Variants in FHOD3 observed in about 807,000 individuals in gnomAD.
The protein encoded by FHOD3 is formin homology 2 domain containing 3.
Under a neutral mutation model 173.0 loss-of-function variants are expected in FHOD3, and 90 were observed. The observed-to-expected ratio is 0.52, with a 90% CI of 0.44 to 0.62. The LOEUF (loss-of-function observed/expected upper bound fraction) is 0.62. Ranked by LOEUF, FHOD3 falls within the 20% of genes least tolerant of loss-of-function variation. The pLI is 0.00. For missense variants in FHOD3, 1,945 were observed against 2,034.7 expected, an observed-to-expected ratio of 0.96 and a Z score of 0.85; for synonymous variants, 828 against 823.0, an observed-to-expected ratio of 1.01 and a Z score of -0.10.
At chr18:36,633,360 A>C (rs1483683613) in intron 10 of FHOD3, among the ~76,000 whole-genome samples, 1 of 152,212 alleles carries the variant, frequency 6.6e-6, no homozygotes, top group African/African-American at 2.4e-5. Flanking sequence ...ACAGTTTAAC[A>C]ACTGCCAGGC....
chr18:36,482,670 T>A (rs2053966332), intron 3 of FHOD3, among the ~76,000 whole-genome samples: 1 of 152,152 alleles, frequency 6.6e-6, no homozygotes, highest in Non-Finnish European at 1.5e-5. Context: ...TTTTGGTTTG[T>A]CCTGTCTTAT....
At chr18:36,365,770 A>G (rs1345865756) in intron 2 of FHOD3, among the ~76,000 whole-genome samples, 1 of 152,066 alleles carries the variant, frequency 6.6e-6, no homozygotes, top group East Asian at 1.9e-4. Context: ...GTGTGGGGAG[A>G]AATTCCAGCT....
At chr18:36,564,198 GT>G (rs1044762371) in intron 5 of FHOD3, among the ~76,000 whole-genome samples, 8 of 152,164 alleles carry the variant, frequency 5.3e-5, no homozygotes, top group Admixed American at 4.6e-4. Flanking sequence ...GCTGTGACCT[GT>G]TTTGGAGAGG....
chr18:36,435,195 A>G lies in FHOD3; in HGVS notation c.337+62451A>G, dbSNP rs368283605. ...AATGGTGAAAATGGAAGTCATTTCA[A>G]GAGCAAAATATTTTATATTAGTTAT... is the stretch of plus-strand genomic sequence containing the variant. On this transcript the variant is annotated intron_variant, in intron 3 of 28. Transcript: ENST00000590592. Among the ~76,000 whole-genome samples the G allele has an allele frequency of 6.6e-5, 10 of 152,030 alleles. 1 individual carries two copies. The highest frequency in any genetic ancestry group is 3.3e-4 in the Admixed American group (5 of 15,276).
Position 36,718,296 on chromosome 18 carries a change from C to A in FHOD3, c.2998C>A (p.Leu1000Met). The A allele has an allele frequency of 6.2e-7, 1 of 1,614,152 alleles. No individual in the cohort carries two copies. Among genetic ancestry groups the A allele is most frequent in the South Asian group, 1.1e-5 (1 of 91,070 alleles). ...AATCCAAGACATGGATTTCACTGAC[C>A]TGGGGGAGGAGGATGACATTGATGT... The part of the protein sequence containing the change: ...LRIQDMDFTD[L>M]GEEDDIDVLD... Residue 1000 changes from leucine (L) to methionine (M), a missense_variant, in exon 19 of 29, where the codon CTG becomes ATG. Around this residue, in one of 5 missense-constraint regions of FHOD3, gnomAD observed 1,099 missense variants for 1,051.2 expected, o/e 1.05. Coordinates refer to ENST00000590592, the MANE Select transcript of FHOD3 (RefSeq NM_001281740.3).
chr18:36,457,249 G>A (rs985284271), intron 3 of FHOD3, among the ~76,000 whole-genome samples: 3 of 152,102 alleles, frequency 2.0e-5, no homozygotes, highest in African/African-American at 7.3e-5. Flanking sequence ...TGCCAGTGAG[G>A]AGTGACTTAA....
intron 5 of FHOD3, among the ~76,000 whole-genome samples, chr18:36,571,487 A>G (rs1041338213): frequency 6.6e-6 from 1 of 152,228 alleles, no homozygotes; most frequent in African/African-American, 2.4e-5. Flanking sequence ...TTCCAGAAAG[A>G]TTTTGTTGTT....
Position 36,680,900 on chromosome 18 carries a change from G to T in FHOD3, c.1836-536G>T, listed in dbSNP as rs373539939. Among the ~76,000 whole-genome samples the T allele has an allele frequency of 5.9e-5, 9 of 152,288 alleles. No individual in the cohort carries two copies. In the South Asian group the frequency reaches 1.9e-3, roughly 32 times the overall value. ...AAATATTTTTAGTGCATGTATAATA[G>T]AAAATAGTTTTATAAAATCACTTTT... On this transcript the variant is annotated intron_variant, in intron 14 of 28. Coordinates refer to ENST00000590592, the MANE Select transcript of FHOD3 (RefSeq NM_001281740.3).
intron 5 of FHOD3, among the ~76,000 whole-genome samples, chr18:36,536,043 T>A (rs1375389498): frequency 6.6e-6 from 1 of 152,202 alleles, no homozygotes; most frequent in Non-Finnish European, 1.5e-5. Flanking sequence ...TGGGAGAAAA[T>A]AACATTTCAC....
intron 5 of FHOD3, among the ~76,000 whole-genome samples, chr18:36,559,765 T>C (rs2048374819): frequency 1.3e-5 from 2 of 152,144 alleles, no homozygotes; most frequent in African/African-American, 2.4e-5. Flanking sequence ...CCTGTGCAAG[T>C]TGTATAAAAA....
chr18:36,346,672 T>G (rs2045892464), intron 1 of FHOD3, among the ~76,000 whole-genome samples: 2 of 152,162 alleles, frequency 1.3e-5, no homozygotes, highest in African/African-American at 2.4e-5. Flanking sequence ...CAAGCCACAT[T>G]GAAATTGTCC....
intron 5 of FHOD3, among the ~76,000 whole-genome samples, chr18:36,545,382 C>T (rs2057373827): frequency 6.6e-6 from 1 of 152,174 alleles, no homozygotes; most frequent in Non-Finnish European, 1.5e-5. Flanking sequence ...GGTGGGCAGA[C>T]ACTATTTATA....
intron 5 of FHOD3, among the ~76,000 whole-genome samples, chr18:36,534,481 T>A (rs1444672112): frequency 6.6e-6 from 1 of 151,646 alleles, no homozygotes; most frequent in East Asian, 1.9e-4. Flanking sequence ...TATTTATTTA[T>A]TTTTTATTAT....
At position 36,652,557 on chromosome 18, in the gene FHOD3, G is replaced by C; in HGVS notation, c.1287-13G>C. On this transcript the variant is annotated splice_polypyrimidine_tract_variant and intron_variant, in intron 11 of 28. Coordinates refer to ENST00000590592, the MANE Select transcript of FHOD3 (RefSeq NM_001281740.3). ...TTTTTTCTTCTTCCTCCTCCTCCCT[G>C]CTGGCCCAACAGCAAGGTCGGCGCT... The C allele has an allele frequency of 6.6e-7, 1 of 1,519,912 alleles. No homozygotes were observed. The highest frequency in any genetic ancestry group is 8.8e-7 in the Non-Finnish European group (1 of 1,136,464). 94.2% of individuals were successfully genotyped at this position (1,519,912 alleles called of 1,614,324 possible).
chr18:36,703,805 G>T (rs948383735), intron 17 of FHOD3, among the ~76,000 whole-genome samples: 1 of 152,180 alleles, frequency 6.6e-6, no homozygotes, highest in Non-Finnish European at 1.5e-5. Context: ...CGACCTGCAT[G>T]AGGAAAGCAT....
chr18:36,552,054 G>A (rs1468918943), intron 5 of FHOD3, among the ~76,000 whole-genome samples: 1 of 152,166 alleles, frequency 6.6e-6, no homozygotes, highest in Non-Finnish European at 1.5e-5. Flanking sequence ...GTAGCTTGTT[G>A]GGGATGGCAT....
intron 5 of FHOD3, among the ~76,000 whole-genome samples, chr18:36,518,114 C>T (rs921227726): frequency 6.6e-6 from 1 of 152,140 alleles, no homozygotes; most frequent in Non-Finnish European, 1.5e-5. Flanking sequence ...TTATAAAATG[C>T]CAAAAAGAGC....
intron 18 of FHOD3, chr18:36,710,393 A>G (rs2040107816): frequency 6.6e-6 from 1 of 152,246 alleles, no homozygotes; most frequent in Non-Finnish European, 1.5e-5. Context: ...TGACACCTCT[A>G]CAAAGGCCTG....
chr18:36,604,434 C>T (rs1169040002), intron 8 of FHOD3, among the ~76,000 whole-genome samples: 1 of 152,180 alleles, frequency 6.6e-6, no homozygotes, highest in East Asian at 1.9e-4. Flanking sequence ...TAGTGTGGCC[C>T]CTTCCTCAGC....
Sources: allele counts gnomAD v4.1 joint callset (sites outside exome capture counted in the v4.1 genomes callset), GRCh38; gene constraint gnomAD v4.1.1; regional missense constraint gnomAD v4.1.1; transcripts MANE v1.5; gene names NCBI Gene and HGNC (gene_info 2026-07-23, HGNC 2026-07-21).